ERBB4: variants seen among roughly 807,000 people sequenced by gnomAD.
The protein encoded by ERBB4 is erb-b2 receptor tyrosine kinase 4, also known as receptor tyrosine-protein kinase erbB-4.
A neutral mutation model predicts 158.0 loss-of-function variants in ERBB4; 42 were observed. The ratio of observed to expected loss-of-function variants is 0.27; its 90% confidence interval spans 0.21 to 0.34. The LOEUF (loss-of-function observed/expected upper bound fraction) is 0.34. Among genes scored for constraint, ERBB4 ranks in the 10% least tolerant of loss-of-function variants. The probability of loss-of-function intolerance (pLI) is 1.00; values close to 1 mark genes in which losing one functional copy is unlikely to be tolerated. For missense variants in ERBB4, 1,333 were observed against 1,624.1 expected (o/e 0.82, Z 3.08); for synonymous variants, 583 against 558.7 (o/e 1.04, Z -0.61).
intron 16 of ERBB4, among the ~76,000 whole-genome samples, chr2:211,655,525 G>A (rs2071178955): frequency 6.6e-6 from 1 of 152,110 alleles, no homozygotes; most frequent in Non-Finnish European, 1.5e-5. Context: ...GGTAGAGCCT[G>A]GCTCTGAACT....
intron 25 of ERBB4, among the ~76,000 whole-genome samples, chr2:211,416,278 AT>A (rs2063388831): frequency 6.6e-6 from 1 of 152,158 alleles, no homozygotes; most frequent in Non-Finnish European, 1.5e-5. Flanking sequence ...TATCAAAAAA[AT>A]ATAATTCTAG....
At chr2:212,163,972 T>C (rs1461310297) in intron 1 of ERBB4, among the ~76,000 whole-genome samples, 1 of 152,002 alleles carries the variant, frequency 6.6e-6, no homozygotes, top group Non-Finnish European at 1.5e-5. Context: ...TTAAATTATT[T>C]TTATTTTTTG....
intron 1 of ERBB4, among the ~76,000 whole-genome samples, chr2:212,447,055 G>A (rs965537217): frequency 6.7e-6 from 1 of 150,294 alleles, no homozygotes; most frequent in African/African-American, 2.5e-5. Flanking sequence ...AGAGTGCAGT[G>A]GCGCAATCTC....
intron 20 of ERBB4, among the ~76,000 whole-genome samples, chr2:211,472,978 C>A (rs897500933): frequency 2.6e-5 from 4 of 151,318 alleles, no homozygotes; most frequent in Admixed American, 2.6e-4. Flanking sequence ...TAAAAAATAC[C>A]TCTGCCTCCC....
intron 1 of ERBB4, among the ~76,000 whole-genome samples, chr2:212,420,001 A>G (rs1235543009): frequency 6.6e-6 from 1 of 152,040 alleles, no homozygotes; most frequent in East Asian, 1.9e-4. Flanking sequence ...CAAAGTTATA[A>G]AAACTATGTT....
intron 1 of ERBB4, among the ~76,000 whole-genome samples, chr2:212,183,227 G>A (rs963580178): frequency 6.6e-6 from 1 of 151,678 alleles, no homozygotes; most frequent in Admixed American, 6.6e-5. Flanking sequence ...AGACACTTGA[G>A]GTTGTAGTAA....
At position 211,378,848 on chromosome 2, in the gene ERBB4, T is replaced by G. The variant is rs1216893852; in HGVS notation, c.*4767A>C. 4.3e-6 allele frequency: 1 copy of G among 231,608 alleles called. No individual in the cohort carries two copies. Among genetic ancestry groups the G allele is most frequent in the African/African-American group, 2.2e-5 (1 of 44,986 alleles). 14.3% of individuals were successfully genotyped at this position (231,608 alleles called of 1,614,324 possible). A position where few individuals can be genotyped will look rare whatever the true frequency, so the allele number is the denominator to read the frequency against. On this transcript the variant is annotated 3_prime_UTR_variant, in exon 28 of 28. Coordinates refer to ENST00000342788, the MANE Select transcript of ERBB4 (RefSeq NM_005235.3). ...CAAACAGAGGCACAGTAAGATCCTC[T>G]GCCCACAGTATATACAGTAGAAGTT...
intron 3 of ERBB4, among the ~76,000 whole-genome samples, chr2:211,886,925 C>G (rs141661330): frequency 6.6e-6 from 1 of 152,344 alleles, no homozygotes; most frequent in Admixed American, 6.5e-5. Flanking sequence ...AGTGGGTTCT[C>G]TGAAAGAATT....
At chr2:212,039,081 T>G (rs1366721498) in intron 2 of ERBB4, among the ~76,000 whole-genome samples, 1 of 152,146 alleles carries the variant, frequency 6.6e-6, no homozygotes. Flanking sequence ...ATTTATTTTC[T>G]CATTTATTTA....
intron 3 of ERBB4, among the ~76,000 whole-genome samples, chr2:211,818,900 TC>T (rs1185446029): frequency 6.6e-6 from 1 of 152,108 alleles, no homozygotes; most frequent in Non-Finnish European, 1.5e-5. Context: ...GAAACATTTT[TC>T]AAATGTATTT....
At chr2:212,249,976 G>A (rs2084471599) in intron 1 of ERBB4, among the ~76,000 whole-genome samples, 2 of 151,988 alleles carry the variant, frequency 1.3e-5, no homozygotes, top group South Asian at 4.1e-4. Flanking sequence ...TTGAGTTGTA[G>A]ATACCCACCT....
At chr2:211,945,212 T>C (rs1033468388) in intron 3 of ERBB4, among the ~76,000 whole-genome samples, 2 of 152,162 alleles carry the variant, frequency 1.3e-5, no homozygotes, top group African/African-American at 4.8e-5. Flanking sequence ...CCATGTGAAC[T>C]GTTAGGTGTC....
intron 20 of ERBB4, among the ~76,000 whole-genome samples, chr2:211,481,479 G>A (rs540887172): frequency 3.3e-5 from 5 of 151,500 alleles, no homozygotes; most frequent in African/African-American, 1.2e-4. Flanking sequence ...AGTTCAGGGA[G>A]CTGAAGAATT....
At chr2:211,685,057 T>C (rs1215825235) in intron 12 of ERBB4, among the ~76,000 whole-genome samples, 4 of 152,232 alleles carry the variant, frequency 2.6e-5, no homozygotes, top group Non-Finnish European at 5.9e-5. Flanking sequence ...GATTTGAATA[T>C]CTCCTCTCCT....
At chr2:212,064,987 T>TGG (rs1379978376) in intron 2 of ERBB4, among the ~76,000 whole-genome samples, 1 of 106,970 alleles carries the variant, frequency 9.3e-6, no homozygotes, top group African/African-American at 3.5e-5. Context: ...AACATCTTTA[T>TGG]GGTGTGTGTG....
At chr2:212,292,610 GA>G (rs527668051) in intron 1 of ERBB4, among the ~76,000 whole-genome samples, 2 of 151,876 alleles carry the variant, frequency 1.3e-5, no homozygotes, top group South Asian at 2.1e-4. Context: ...TGGGTAACAG[GA>G]AAAAAACACA....
At chr2:211,849,814 T>C (rs1325402219) in intron 3 of ERBB4, among the ~76,000 whole-genome samples, 1 of 148,980 alleles carries the variant, frequency 6.7e-6, no homozygotes, top group Non-Finnish European at 1.5e-5. Context: ...CAAAAGTATA[T>C]CTTACTGCCC....
At chr2:211,499,776 G>T (rs971667953) in intron 20 of ERBB4, among the ~76,000 whole-genome samples, 5 of 151,992 alleles carry the variant, frequency 3.3e-5, no homozygotes, top group Non-Finnish European at 7.4e-5. Context: ...CCCCCAAAAA[G>T]TTCTATTTCT....
At chr2:211,642,390 TC>T (rs2105856123) in intron 16 of ERBB4, among the ~76,000 whole-genome samples, 1 of 152,144 alleles carries the variant, frequency 6.6e-6, no homozygotes, top group South Asian at 2.1e-4. Context: ...CCTAGTTTCT[TC>T]CCTGTCTGGT....
Sources: gnomAD v4.1 joint callset for allele counts (sites outside exome capture counted in the v4.1 genomes callset) on GRCh38, gnomAD v4.1.1 for gene constraint, MANE v1.5 for transcripts, NCBI Gene and HGNC (gene_info 2026-07-23, HGNC 2026-07-21) for gene names.